Variants in C8orf34 observed in about 807,000 individuals in gnomAD.
C8orf34 encodes the protein chromosome 8 open reading frame 34, also known as uncharacterized protein C8orf34.
A neutral mutation model predicts 68.3 loss-of-function variants in C8orf34; 65 were observed. That is an observed-to-expected ratio of 0.95 (90% CI 0.78 to 1.17). The LOEUF is 1.17. Among genes scored for constraint, C8orf34 ranks in the 50% most tolerant of loss-of-function variants. The probability of loss-of-function intolerance (pLI) is 0.00; values close to 1 mark genes in which losing one functional copy is unlikely to be tolerated. For missense variants in C8orf34, 664 were observed against 655.4 expected (o/e 1.01, Z -0.14); for synonymous variants, 244 against 241.2 (o/e 1.01, Z -0.11).
intron 11 of C8orf34, among the ~76,000 whole-genome samples, chr8:68,784,965 G>A (rs974045665): frequency 6.6e-6 from 1 of 152,116 alleles, no homozygotes; most frequent in African/African-American, 2.4e-5. Context: ...TAGAAACCAA[G>A]ATTGGGGTCG....
At chr8:68,559,600 G>A (rs745666868) in intron 7 of C8orf34, among the ~76,000 whole-genome samples, 6 of 152,116 alleles carry the variant, frequency 3.9e-5, no homozygotes, top group South Asian at 2.1e-4. Context: ...ATAAGAATAC[G>A]TGTGACCTGT....
intron 12 of C8orf34, chr8:68,792,648 T>C (rs1824043437): frequency 6.9e-6 from 1 of 145,630 alleles, no homozygotes; most frequent in Admixed American, 6.9e-5. Context: ...GAAAGAATTC[T>C]AAAGTAAGGA....
At chr8:68,368,554 G>C (rs146833244) in intron 1 of C8orf34, among the ~76,000 whole-genome samples, 10 of 151,868 alleles carry the variant, frequency 6.6e-5, no homozygotes, top group African/African-American at 2.4e-4. Flanking sequence ...TTTTTGTGTG[G>C]GTCCTGATTT....
At chr8:68,714,983 C>T (rs1821428476) in intron 9 of C8orf34, among the ~76,000 whole-genome samples, 1 of 152,050 alleles carries the variant, frequency 6.6e-6, no homozygotes, top group African/African-American at 2.4e-5. Context: ...TACTTAACAG[C>T]CAACTGATCT....
intron 1 of C8orf34, among the ~76,000 whole-genome samples, chr8:68,407,894 C>T (rs529504797): frequency 5.3e-5 from 8 of 152,192 alleles, no homozygotes; most frequent in African/African-American, 1.7e-4. Flanking sequence ...CCTAAGATTT[C>T]TTATTTTTCA....
At chr8:68,783,704 T>C (rs985688730) in intron 11 of C8orf34, among the ~76,000 whole-genome samples, 1 of 152,136 alleles carries the variant, frequency 6.6e-6, no homozygotes, top group Middle Eastern at 3.4e-3. Context: ...TTCTTACATA[T>C]ATTGATTGAT....
chr8:68,733,560 C>G (rs1046277347), intron 10 of C8orf34, among the ~76,000 whole-genome samples: 1 of 152,002 alleles, frequency 6.6e-6, no homozygotes, highest in African/African-American at 2.4e-5. Flanking sequence ...CTAAAGCATG[C>G]CTTCTTATAT....
chr8:68,614,103 G>C (rs905529578), intron 7 of C8orf34, among the ~76,000 whole-genome samples: 1 of 152,174 alleles, frequency 6.6e-6, no homozygotes, highest in Non-Finnish European at 1.5e-5. Flanking sequence ...AGAAGTGTCT[G>C]TTCATGTCCT....
chr8:68,488,783 T>C (rs1289589695), intron 5 of C8orf34, among the ~76,000 whole-genome samples: 7 of 152,208 alleles, frequency 4.6e-5, no homozygotes, highest in Non-Finnish European at 1.0e-4. Flanking sequence ...ATATGAGTTG[T>C]TGCTTATGAG....
rs3057630 is a variant in C8orf34 at position 68,416,512 on chromosome 8, CATTTATTT to C, written c.328-22957_328-22950del. 8.5e-3 allele frequency among the ~76,000 whole-genome samples: 1,236 copies of C among 146,042 alleles called. 10 individuals are homozygous for C. The highest frequency in any genetic ancestry group is 0.018 in the Admixed American group (264 of 14,618). ...TTAGTATTTTATTTTATTAAACATACATTTATTTATTTATTTATTTATTTATTTATTTA... is the reference window on the plus strand; with the variant it reads ...TTAGTATTTTATTTTATTAAACATACATTTATTTATTTATTTATTTATTTA... On this transcript the variant is annotated intron_variant, in intron 1 of 13. Coordinates refer to ENST00000518698, the MANE Select transcript of C8orf34 (RefSeq NM_052958.4).
intron 8 of C8orf34, among the ~76,000 whole-genome samples, chr8:68,664,895 A>G (rs1443376863): frequency 2.0e-5 from 3 of 152,178 alleles, no homozygotes; most frequent in African/African-American, 7.2e-5. Context: ...CATATTTTAG[A>G]TGGTTTAGAT....
chr8:68,736,746 C>T (rs1468312727), intron 10 of C8orf34, among the ~76,000 whole-genome samples: 2 of 151,856 alleles, frequency 1.3e-5, no homozygotes, highest in Non-Finnish European at 2.9e-5. Context: ...TTTTAGGTGT[C>T]CTTTTATTCA....
chr8:68,451,561 GA>G (rs1811346254), intron 3 of C8orf34, among the ~76,000 whole-genome samples: 1 of 151,982 alleles, frequency 6.6e-6, no homozygotes. Flanking sequence ...GTGTTTCAGG[GA>G]ATAGGGAAGC....
At chr8:68,813,431 AATAAAGT>A (rs1486281392) in intron 12 of C8orf34, among the ~76,000 whole-genome samples, 1 of 152,054 alleles carries the variant, frequency 6.6e-6, no homozygotes, top group Non-Finnish European at 1.5e-5. Context: ...CTCTAATCAA[AATAAAGT>A]CTTCTCCTGC....
At chr8:68,655,867 A>G (rs6987972) in intron 8 of C8orf34, among the ~76,000 whole-genome samples, 11,352 of 152,188 alleles carry the variant, frequency 0.075, 613 homozygotes, top group African/African-American at 0.15. Context: ...TCTTTCTAGA[A>G]TGTAGGCACT....
rs183166952 is a variant in C8orf34 at position 68,540,059 on chromosome 8, A to T, written c.1105+6910A>T. Among the ~76,000 whole-genome samples the T allele has an allele frequency of 1.8e-4, 28 of 152,240 alleles. No homozygotes were observed. The East Asian group carries it at 5.2e-3, about 28-fold the overall frequency. On this transcript the variant is annotated intron_variant, in intron 7 of 13. Transcript: ENST00000518698. The stretch of plus-strand genomic sequence containing the variant: ...ATGTGTGAATTATTTTTGAAATGAA[A>T]ATCTTATGATTTTTCTTTTAAAAAT...
chr8:68,417,861 T>C (rs1393769087), intron 1 of C8orf34, among the ~76,000 whole-genome samples: 3 of 151,890 alleles, frequency 2.0e-5, no homozygotes, highest in South Asian at 2.1e-4. Context: ...GGGGATGGCA[T>C]TGAATCTGTA....
chr8:68,386,883 C>T (rs533112009), intron 1 of C8orf34, among the ~76,000 whole-genome samples: 1 of 152,062 alleles, frequency 6.6e-6, no homozygotes, highest in Non-Finnish European at 1.5e-5. Context: ...AGCCCTCCCC[C>T]AGCCGTGACA....
intron 1 of C8orf34, among the ~76,000 whole-genome samples, chr8:68,406,754 C>A (rs1809215130): frequency 6.6e-6 from 1 of 152,142 alleles, no homozygotes; most frequent in South Asian, 2.1e-4. Context: ...CTCGGCCTCC[C>A]AAATTGCTGG....
Sources: allele counts gnomAD v4.1 joint callset (sites outside exome capture counted in the v4.1 genomes callset), GRCh38; gene constraint gnomAD v4.1.1; transcripts MANE v1.5; gene names NCBI Gene and HGNC (gene_info 2026-07-23, HGNC 2026-07-21).